Variants in LRRC2 observed in about 807,000 individuals in gnomAD.
The protein encoded by LRRC2 is leucine-rich repeat-containing protein 2.
A neutral mutation model predicts 40.2 loss-of-function variants in LRRC2; 27 were observed. That is an observed-to-expected ratio of 0.67 (90% CI 0.49 to 0.93). The LOEUF is 0.93. LRRC2 is among the 40% of genes least tolerant of loss of function. LRRC2 has a pLI of 0.00. For synonymous variants in LRRC2, 147 were observed against 158.9 expected, an observed-to-expected ratio of 0.92 and a Z score of 0.56; for missense variants, 402 against 439.6, an observed-to-expected ratio of 0.91 and a Z score of 0.76.
intron 8 of LRRC2, among the ~76,000 whole-genome samples, chr3:46,519,376 T>C (rs1022102955): frequency 1.3e-5 from 2 of 152,200 alleles, no homozygotes; most frequent in Non-Finnish European, 2.9e-5. Context: ...GTATTAATAG[T>C]TGACAAAATA....
At chr3:46,532,961 A>T (rs540265762) in intron 4 of LRRC2, 52 bp from the exon 5 acceptor site, 2 of 1,571,860 alleles carry the variant, frequency 1.3e-6, no homozygotes, top group East Asian at 4.5e-5. Flanking sequence ...AAGGTCTTTT[A>T]AGAACAAAAA....
intron 3 of LRRC2, among the ~76,000 whole-genome samples, chr3:46,542,615 G>A (rs1232245153): frequency 2.0e-5 from 3 of 151,642 alleles, no homozygotes; most frequent in Admixed American, 6.6e-5. Flanking sequence ...TAAAAGCTAA[G>A]ATTAAGAGAT....
chr3:46,545,272 G>A lies in LRRC2; in HGVS notation c.126-19C>T, dbSNP rs772049736. ...CTTTATCCTAAAACAGGCAGCAGGG[G>A]TCACAGTTACTCTCCTGGGGACTGG... On this transcript the variant is annotated intron_variant, in intron 2 of 8. Coordinates refer to ENST00000395905, the MANE Select transcript of LRRC2 (RefSeq NM_024512.5). The A allele has an allele frequency of 6.2e-7, 1 of 1,610,470 alleles. No individual in the cohort carries two copies. Among genetic ancestry groups the A allele is most frequent in the Admixed American group, 1.7e-5 (1 of 59,370 alleles).
At chr3:46,541,382 A>C (rs1006990082) in intron 3 of LRRC2, among the ~76,000 whole-genome samples, 1 of 152,090 alleles carries the variant, frequency 6.6e-6, no homozygotes, top group Non-Finnish European at 1.5e-5. Flanking sequence ...ATATCAAATG[A>C]AATAGAAATG....
At chr3:46,521,712 C>A in intron 7 of LRRC2, 54 bp from the exon 8 acceptor site, 1 of 1,527,626 alleles carries the variant, frequency 6.5e-7, no homozygotes, top group Non-Finnish European at 8.8e-7. Flanking sequence ...TTTTAAACTG[C>A]AAAATTCCTC....
In LRRC2 at chr3:46,529,927, C is replaced by G. The variant is rs757987500; in HGVS notation, c.751G>C (p.Asp251His). Residue 251 changes from aspartate (D) to histidine (H), a missense_variant, in exon 6 of 9, where the codon GAC becomes CAC. By Grantham distance (81) the Asp-to-His change is moderately conservative. Transcript: ENST00000395905. ...TACCTGTCTATATCTTGCGGCAGGT[C>G]GGTCAGGTTATTGCTGCTGATATCC... Reference protein sequence around the residue: ...WLDISSNNLTDLPQDIDRLEE... With the variant: ...WLDISSNNLTHLPQDIDRLEE... 6.2e-7 allele frequency: 1 copy of G among 1,614,034 alleles called. No homozygotes were observed. The highest frequency in any genetic ancestry group is 1.7e-5 in the Admixed American group (1 of 59,978).
intron 2 of LRRC2, among the ~76,000 whole-genome samples, chr3:46,550,642 C>T (rs996381192): frequency 2.6e-5 from 4 of 152,190 alleles, no homozygotes; most frequent in African/African-American, 7.2e-5. Flanking sequence ...CCGCCTGCCT[C>T]GGTCTCCTAG....
intron 2 of LRRC2, among the ~76,000 whole-genome samples, chr3:46,550,249 C>T (rs1326793980): frequency 6.6e-6 from 1 of 152,136 alleles, no homozygotes. Flanking sequence ...TGGTAACCAC[C>T]TGAAACCACT....
chr3:46,529,972 T>C lies in LRRC2; in HGVS notation c.706A>G (p.Met236Val). Residue 236 changes from methionine to valine, a missense_variant, in exon 6 of 9, where the codon ATG becomes GTG. Transcript: ENST00000395905. ...ATATCCAACCACTGCAAATTCGACA[T>C]CCGCAGGACACAGATTGGGACACTG... The part of the protein sequence containing the change: ...FSSVPICVLR[M>V]SNLQWLDISS... 6.2e-7 allele frequency: 1 copy of C among 1,614,124 alleles called. No homozygotes were observed. The highest frequency in any genetic ancestry group is 8.5e-7 in the Non-Finnish European group (1 of 1,180,008).
intron 5 of LRRC2, among the ~76,000 whole-genome samples, chr3:46,530,692 AAAG>A (rs1347110380): frequency 6.6e-6 from 1 of 152,240 alleles, no homozygotes. Flanking sequence ...CAGCAGGCAA[AAAG>A]AGAGCTTATG....
rs995107879 is a variant in LRRC2 at position 46,518,365 on chromosome 3, T to C, written c.*649A>G. 4 of 130,066 alleles carry C rather than the reference T, an allele frequency of 3.1e-5. No homozygotes were observed. Among genetic ancestry groups the C allele is most frequent in the African/African-American group, 1.2e-4 (4 of 33,728 alleles). 8.1% of individuals were successfully genotyped at this position (130,066 alleles called of 1,614,324 possible). On this transcript the variant is annotated 3_prime_UTR_variant, in exon 9 of 9. Transcript: ENST00000395905. ...ACAATCCCTTTATCTTTTTCTTTTC[T>C]TTTTTTTTTTTTTTGAGACAGAGTC...
intron 3 of LRRC2, among the ~76,000 whole-genome samples, chr3:46,539,857 T>C (rs191387607): frequency 3.9e-5 from 6 of 152,194 alleles, no homozygotes; most frequent in Admixed American, 3.3e-4. Context: ...TTAAAGACTT[T>C]AAGGAGGCTA....
intron 4 of LRRC2, among the ~76,000 whole-genome samples, chr3:46,537,016 C>T (rs1704280754): frequency 6.6e-6 from 1 of 152,306 alleles, no homozygotes; most frequent in Admixed American, 6.5e-5. Context: ...TTGCTGCCAA[C>T]CACTGGATTC....
chr3:46,545,159 G>T lies in LRRC2; in HGVS notation c.220C>A (p.Arg74=), dbSNP rs201502772. Residue 74 remains arginine (R), a synonymous_variant, in exon 3 of 9, where the codon CGG becomes AGG. Transcript: ENST00000395905. The stretch of plus-strand genomic sequence containing the variant: ...TTCCTTTCAATCTTGTCCAGAAGCC[G>T]CACGCTGGTGTCTATGAAGCCATTC... ...CKNGFIDTSV[R]LLDKIERNTL... 3 of 1,614,094 alleles carry T rather than the reference G, an allele frequency of 1.9e-6. No homozygotes were observed. Among genetic ancestry groups the T allele is most frequent in the Non-Finnish European group, 2.5e-6 (3 of 1,179,986 alleles).
At chr3:46,537,803 A>G (rs1198285155) in intron 4 of LRRC2, among the ~76,000 whole-genome samples, 1 of 152,230 alleles carries the variant, frequency 6.6e-6, no homozygotes, top group Non-Finnish European at 1.5e-5. Context: ...TACCGACAGA[A>G]GACACGAGGC....
chr3:46,535,355 G>C (rs1377521843), intron 4 of LRRC2, among the ~76,000 whole-genome samples: 5 of 152,170 alleles, frequency 3.3e-5, no homozygotes, highest in Non-Finnish European at 5.9e-5. Flanking sequence ...CTAAGTTATG[G>C]ATGTATTTGG....
intron 5 of LRRC2, among the ~76,000 whole-genome samples, chr3:46,530,872 G>A (rs9839075): frequency 0.52 from 79,113 of 152,048 alleles, 21,469 homozygotes; most frequent in South Asian, 0.66. Flanking sequence ...GGGTGGGGAC[G>A]CAGCCAAACC....
At chr3:46,531,482 T>G (rs991872190) in intron 5 of LRRC2, among the ~76,000 whole-genome samples, 3 of 152,048 alleles carry the variant, frequency 2.0e-5, no homozygotes, top group Non-Finnish European at 2.9e-5. Flanking sequence ...TTGACCAGGG[T>G]GGCAGTGGGA....
At chr3:46,532,712 A>G (rs1335249689) in intron 5 of LRRC2, 61 bp downstream of exon 5, 3 of 1,532,620 alleles carry the variant, frequency 2.0e-6, no homozygotes, top group Non-Finnish European at 2.7e-6. Flanking sequence ...CATATTATAG[A>G]CCATTCTATG....
Sources: gnomAD v4.1 joint callset for allele counts (sites outside exome capture counted in the v4.1 genomes callset) on GRCh38, gnomAD v4.1.1 for gene constraint, MANE v1.5 for transcripts, NCBI Gene and HGNC (gene_info 2026-07-23, HGNC 2026-07-21) for gene names.